The following GREM2 variants were observed in gnomAD, a reference collection of about 807,000 sequenced individuals.
GREM2 encodes the protein gremlin-2.
A neutral mutation model predicts 14.2 loss-of-function variants in GREM2; 11 were observed. That is an observed-to-expected ratio of 0.78 (90% CI 0.49 to 1.28). The LOEUF (loss-of-function observed/expected upper bound fraction) is 1.28, where lower values mean the gene tolerates loss of function less well. Among genes scored for constraint, GREM2 ranks in the 50% most tolerant of loss-of-function variants. The pLI is 0.00. For missense variants in GREM2, 210 were observed against 218.5 expected, an observed-to-expected ratio of 0.96 and a Z score of 0.24; for synonymous variants, 98 against 97.6, an observed-to-expected ratio of 1.00 and a Z score of -0.02.
chr1:240,555,402 T>C (rs894613078), intron 1 of GREM2, among the ~76,000 whole-genome samples: 1 of 152,156 alleles, frequency 6.6e-6, no homozygotes, highest in Non-Finnish European at 1.5e-5. Context: ...GCACAAAGCA[T>C]AAGGCCAAAA....
intron 1 of GREM2, among the ~76,000 whole-genome samples, chr1:240,541,920 T>C (rs950915254): frequency 1.3e-5 from 2 of 152,180 alleles, no homozygotes; most frequent in African/African-American, 4.8e-5. Flanking sequence ...AGCAATGCCA[T>C]CACTGTCTTT....
intron 1 of GREM2, among the ~76,000 whole-genome samples, chr1:240,608,970 C>T (rs1284500697): frequency 6.6e-6 from 1 of 152,134 alleles, no homozygotes; most frequent in African/African-American, 2.4e-5. Flanking sequence ...ACATCAAATG[C>T]ATTTATTTTC....
chr1:240,503,952 T>C (rs1271016718), intron 1 of GREM2, among the ~76,000 whole-genome samples: 5 of 152,316 alleles, frequency 3.3e-5, no homozygotes, highest in African/African-American at 1.2e-4. Flanking sequence ...TAGTTTTAAA[T>C]GTTTATTAAT....
chr1:240,583,100 T>A (rs1679522293), intron 1 of GREM2, among the ~76,000 whole-genome samples: 1 of 152,178 alleles, frequency 6.6e-6, no homozygotes, highest in African/African-American at 2.4e-5. Flanking sequence ...CCTAAAAAAA[T>A]CATTTCCTGT....
intron 1 of GREM2, among the ~76,000 whole-genome samples, chr1:240,497,539 C>A (rs1360096608): frequency 6.6e-6 from 1 of 150,782 alleles, no homozygotes; most frequent in Non-Finnish European, 1.5e-5. Flanking sequence ...GAAATCTGAA[C>A]AGGATTCCTC....
intron 1 of GREM2, among the ~76,000 whole-genome samples, chr1:240,518,370 T>A (rs950691526): frequency 6.6e-6 from 1 of 152,208 alleles, no homozygotes; most frequent in African/African-American, 2.4e-5. Flanking sequence ...TTATCATCCA[T>A]CAATCTTTAT....
At chr1:240,560,656 T>C (rs1679020405) in intron 1 of GREM2, among the ~76,000 whole-genome samples, 1 of 152,200 alleles carries the variant, frequency 6.6e-6, no homozygotes, top group South Asian at 2.1e-4. Flanking sequence ...TCTGATCTTA[T>C]TGGGTTTACT....
intron 1 of GREM2, among the ~76,000 whole-genome samples, chr1:240,510,209 A>G (rs1177862110): frequency 6.6e-6 from 1 of 151,510 alleles, no homozygotes; most frequent in Non-Finnish European, 1.5e-5. Flanking sequence ...CTCCACTAAA[A>G]ATACAAAGAA....
chr1:240,576,075 A>T, intron 1 of GREM2, among the ~76,000 whole-genome samples: 1 of 152,188 alleles, frequency 6.6e-6, no homozygotes, highest in Non-Finnish European at 1.5e-5. Context: ...TATTTTTTCC[A>T]ACTTTCTTCT....
intron 1 of GREM2, among the ~76,000 whole-genome samples, chr1:240,549,331 C>A (rs1378350626): frequency 9.2e-6 from 1 of 109,112 alleles, no homozygotes; most frequent in Non-Finnish European, 1.8e-5. Flanking sequence ...AGAGAAACTC[C>A]ATCTCAAAAA....
chr1:240,524,696 G>C (rs1678183988), intron 1 of GREM2, among the ~76,000 whole-genome samples: 1 of 152,172 alleles, frequency 6.6e-6, no homozygotes. Context: ...GCCTTCCCAA[G>C]TGTGACATAA....
At chr1:240,508,567 TAGAG>T (rs1235916784) in intron 1 of GREM2, among the ~76,000 whole-genome samples, 2 of 152,216 alleles carry the variant, frequency 1.3e-5, no homozygotes, top group African/African-American at 4.8e-5. Flanking sequence ...GAAGTATTTG[TAGAG>T]AATGTTTCTT....
chr1:240,543,072 C>A lies in GREM2; in HGVS notation c.-1-49596G>T, dbSNP rs1678628675. Reference sequence around the variant, plus strand: ...TCCCAAAATGTCCTAGGCTGCTCTCCTTCTGAGGTTTCAAAAGCATTTCCT... The same window carrying A: ...TCCCAAAATGTCCTAGGCTGCTCTCATTCTGAGGTTTCAAAAGCATTTCCT... On this transcript the variant is annotated intron_variant, in intron 1 of 1. Transcript: ENST00000318160. The surrounding 1 kb of genome is among the most constrained non-coding windows in gnomAD (Gnocchi z 6.4). Among the ~76,000 whole-genome samples the A allele has an allele frequency of 6.6e-6, 1 of 152,190 alleles. No individual in the cohort carries two copies. The highest frequency in any genetic ancestry group is 1.9e-4 in the East Asian group (1 of 5,190).
At chr1:240,609,575 C>T (rs570175733) in intron 1 of GREM2, among the ~76,000 whole-genome samples, 75 of 152,160 alleles carry the variant, frequency 4.9e-4, no homozygotes, top group South Asian at 1.9e-3. Context: ...GTGCTGGGCA[C>T]GTTTTCCCTG....
intron 1 of GREM2, among the ~76,000 whole-genome samples, chr1:240,585,591 G>A (rs978246024): frequency 5.9e-5 from 9 of 151,818 alleles, no homozygotes; most frequent in Admixed American, 1.3e-4. Context: ...TTAGCCAGGC[G>A]TGGTGGCGGG....
intron 1 of GREM2, among the ~76,000 whole-genome samples, chr1:240,538,146 T>C (rs1055140549): frequency 3.3e-5 from 5 of 152,342 alleles, no homozygotes; most frequent in African/African-American, 9.6e-5. Context: ...ACCACGCTGA[T>C]CTTAAATTTA....
At chr1:240,502,482 C>T (rs1407306666) in intron 1 of GREM2, among the ~76,000 whole-genome samples, 2 of 152,142 alleles carry the variant, frequency 1.3e-5, no homozygotes, top group Non-Finnish European at 2.9e-5. Flanking sequence ...ACCCTGTCTT[C>T]TCATTCCTCA....
chr1:240,523,030 A>G (rs966756243), intron 1 of GREM2, among the ~76,000 whole-genome samples: 1 of 152,242 alleles, frequency 6.6e-6, no homozygotes, highest in Non-Finnish European at 1.5e-5. Context: ...CAACAATTAC[A>G]AAATGGAAGG....
At chr1:240,529,236 AG>A (rs1328940845) in intron 1 of GREM2, among the ~76,000 whole-genome samples, 2 of 108,310 alleles carry the variant, frequency 1.8e-5, no homozygotes, top group East Asian at 5.9e-4. Context: ...ACCAGTGGAT[AG>A]GCTTTTTTTT....
Sources: gnomAD v4.1 joint callset for allele counts (sites outside exome capture counted in the v4.1 genomes callset) on GRCh38, gnomAD v4.1.1 for gene constraint, Gnocchi (gnomAD v3.1) non-coding constraint, MANE v1.5 for transcripts, NCBI Gene and HGNC (gene_info 2026-07-23, HGNC 2026-07-21) for gene names.